COL23A1: variants seen among roughly 807,000 people sequenced by gnomAD.
The protein encoded by COL23A1 is collagen alpha-1(XXIII) chain.
In COL23A1, 97 loss-of-function variants were observed where a neutral mutation model predicts 99.3. That is an observed-to-expected ratio of 0.98 (90% CI 0.83 to 1.16). The LOEUF (loss-of-function observed/expected upper bound fraction) is 1.16, where lower values mean the gene tolerates loss of function less well. Ranked by LOEUF, COL23A1 falls within the 50% of genes most tolerant of loss-of-function variation. The probability of loss-of-function intolerance (pLI) is 0.00; values close to 1 mark genes in which losing one functional copy is unlikely to be tolerated. For synonymous variants in COL23A1, 320 were observed against 308.2 expected (o/e 1.04, Z -0.40); for missense variants, 762 against 757.4 (o/e 1.01, Z -0.07).
Position 178,326,498 on chromosome 5 carries a change from G to A in COL23A1, c.362-19579C>T, listed in dbSNP as rs1432626194. ...GCTGGGACCTTGGAATAATTCCTTC[G>A]GCTCACAGACATGACACCCTGAGAA... On this transcript the variant is annotated intron_variant, in intron 2 of 28. Transcript: ENST00000390654. Among the ~76,000 whole-genome samples the A allele has an allele frequency of 2.0e-5, 3 of 151,758 alleles. No homozygotes were observed. The East Asian group carries it at 5.8e-4, about 30-fold the overall frequency.
At position 178,255,288 on chromosome 5, in the gene COL23A1, G is replaced by A. The variant is rs544217155; in HGVS notation, c.883-262C>T. ...ATTCAGGCCTGACCCCTGAGTTCTC[G>A]GGGGCAAATGGAAAGCCTGATTTTG... On this transcript the variant is annotated intron_variant, in intron 15 of 28. Transcript: ENST00000390654. The surrounding 1 kb of genome is among the most constrained non-coding windows in gnomAD (Gnocchi z 4.2). Among the ~76,000 whole-genome samples the A allele has an allele frequency of 2.6e-5, 4 of 152,010 alleles. No individual in the cohort carries two copies. Among genetic ancestry groups the A allele is most frequent in the Non-Finnish European group, 5.9e-5 (4 of 67,982 alleles).
chr5:178,411,148 A>G (rs1765034659), intron 2 of COL23A1, among the ~76,000 whole-genome samples: 1 of 152,182 alleles, frequency 6.6e-6, no homozygotes, highest in South Asian at 2.1e-4. Context: ...CCCAGAAAAT[A>G]ACAAGTGTTG....
At chr5:178,398,641 T>C (rs1764276764) in intron 2 of COL23A1, among the ~76,000 whole-genome samples, 1 of 152,184 alleles carries the variant, frequency 6.6e-6, no homozygotes, top group South Asian at 2.1e-4. Flanking sequence ...CCAAAAATAC[T>C]TCTCCCAGAG....
chr5:178,522,787 G>C (rs529039012), intron 2 of COL23A1, among the ~76,000 whole-genome samples: 11 of 152,216 alleles, frequency 7.2e-5, no homozygotes, highest in Admixed American at 2.6e-4. Flanking sequence ...GACCAGACGT[G>C]GCCTACGGGG....
chr5:178,411,996 A>T (rs1287704706), intron 2 of COL23A1, among the ~76,000 whole-genome samples: 1 of 152,258 alleles, frequency 6.6e-6, no homozygotes, highest in Non-Finnish European at 1.5e-5. Context: ...AATTTAAGGG[A>T]AAGTTTTCAT....
At chr5:178,363,157 A>G (rs1160036185) in intron 2 of COL23A1, among the ~76,000 whole-genome samples, 1 of 151,882 alleles carries the variant, frequency 6.6e-6, no homozygotes, top group Non-Finnish European at 1.5e-5. Flanking sequence ...TGTGAGCAGT[A>G]TTTTTAGGGA....
chr5:178,262,119 C>T (rs757895495), intron 10 of COL23A1, 98 bp downstream of exon 10: 176 of 1,286,222 alleles, frequency 1.4e-4, no homozygotes, highest in Admixed American at 4.2e-4. Context: ...TAAACATGTG[C>T]GCGTGACCCT....
chr5:178,435,109 G>A (rs1766486218), intron 2 of COL23A1, among the ~76,000 whole-genome samples: 1 of 152,352 alleles, frequency 6.6e-6, no homozygotes, highest in South Asian at 2.1e-4. Flanking sequence ...TCTCTCTGGG[G>A]AAATTACTTT....
At chr5:178,565,469 A>G (rs1437564414) in intron 1 of COL23A1, among the ~76,000 whole-genome samples, 3 of 152,250 alleles carry the variant, frequency 2.0e-5, no homozygotes, top group African/African-American at 4.8e-5. Flanking sequence ...GAGACAGTTC[A>G]AGCCTTCTCA....
At chr5:178,389,615 A>C (rs1351039662) in intron 2 of COL23A1, among the ~76,000 whole-genome samples, 7 of 152,186 alleles carry the variant, frequency 4.6e-5, no homozygotes, top group Non-Finnish European at 1.0e-4. Flanking sequence ...AAGTCGTAGA[A>C]GTGGACTTGC....
At chr5:178,517,557 G>GTTTTTTTTT (rs35787274) in intron 2 of COL23A1, among the ~76,000 whole-genome samples, 3 of 84,980 alleles carry the variant, frequency 3.5e-5, no homozygotes, top group Non-Finnish European at 3.9e-5. Context: ...GGTGACAGCA[G>GTTTTTTTTT]TTTTTTTTTT....
chr5:178,444,206 A>C (rs1352903957), intron 2 of COL23A1, among the ~76,000 whole-genome samples: 2 of 152,236 alleles, frequency 1.3e-5, no homozygotes, highest in Non-Finnish European at 2.9e-5. Context: ...TCAATAAAAA[A>C]TAAAAAAGTA....
chr5:178,345,445 T>C lies in COL23A1; in HGVS notation c.362-38526A>G, dbSNP rs569003762. The C allele has an allele frequency of 2.5e-4, 52 of 204,986 alleles. 2 individuals carry two copies. The South Asian group carries it at 3.1e-3, about 12-fold the overall frequency. 12.7% of individuals were successfully genotyped at this position (204,986 alleles called of 1,614,324 possible). On this transcript the variant is annotated intron_variant, in intron 2 of 28. Coordinates refer to ENST00000390654, the MANE Select transcript of COL23A1 (RefSeq NM_173465.4). ...TAAACACACTTGTTCTATAGAGAAATGTATCATCTCTTTTTTTTTTCTCAT... is the reference window on the plus strand; with the variant it reads ...TAAACACACTTGTTCTATAGAGAAACGTATCATCTCTTTTTTTTTTCTCAT...
At chr5:178,435,758 G>T (rs1241832282) in intron 2 of COL23A1, among the ~76,000 whole-genome samples, 4 of 152,178 alleles carry the variant, frequency 2.6e-5, no homozygotes, top group African/African-American at 7.2e-5. Context: ...ACCTTAGATG[G>T]TATGTTTTGG....
intron 2 of COL23A1, among the ~76,000 whole-genome samples, chr5:178,515,856 G>A (rs1025266454): frequency 1.3e-5 from 2 of 151,934 alleles, no homozygotes; most frequent in African/African-American, 2.4e-5. Context: ...CCCCAGTAAC[G>A]CACCAAGTGT....
At chr5:178,585,257 C>A (rs1251055942) in intron 1 of COL23A1, among the ~76,000 whole-genome samples, 2 of 152,188 alleles carry the variant, frequency 1.3e-5, no homozygotes, top group South Asian at 4.1e-4. Flanking sequence ...TCTGGGGTGA[C>A]AACAGAAACA....
rs1330075550 is a variant in COL23A1 at position 178,494,973 on chromosome 5, G to A, written c.361+65709C>T. The stretch of plus-strand genomic sequence containing the variant: ...GCATCAAATGGTAGGTGAGGGTACA[G>A]AGTTTTCAGCCCCAATAATGACATG... On this transcript the variant is annotated intron_variant, in intron 2 of 28. Coordinates refer to ENST00000390654, the MANE Select transcript of COL23A1 (RefSeq NM_173465.4). 3.3e-5 allele frequency among the ~76,000 whole-genome samples: 5 copies of A among 152,326 alleles called. No individual in the cohort carries two copies. In the East Asian group the frequency reaches 9.7e-4, roughly 29 times the overall value.
intron 2 of COL23A1, among the ~76,000 whole-genome samples, chr5:178,502,556 A>G (rs548718376): frequency 3.9e-4 from 59 of 152,342 alleles, no homozygotes; most frequent in South Asian, 2.7e-3. Flanking sequence ...AACCACAAAG[A>G]GACAATAATT....
intron 2 of COL23A1, among the ~76,000 whole-genome samples, chr5:178,469,254 G>T (rs748717461): frequency 6.6e-5 from 10 of 152,138 alleles, no homozygotes; most frequent in Non-Finnish European, 5.9e-5. Context: ...TCCTTTGGGG[G>T]TATACCTAGG....
Sources: allele counts gnomAD v4.1 joint callset (sites outside exome capture counted in the v4.1 genomes callset), GRCh38; gene constraint gnomAD v4.1.1; non-coding constraint Gnocchi (gnomAD v3.1); transcripts MANE v1.5; gene names NCBI Gene and HGNC (gene_info 2026-07-23, HGNC 2026-07-21).